Variants in MYCBP2 observed in about 807,000 individuals in gnomAD.
The protein encoded by MYCBP2 is MYC binding protein 2, also known as E3 ubiquitin-protein ligase MYCBP2.
Under a neutral mutation model 525.3 loss-of-function variants are expected in MYCBP2, and 120 were observed. That is an observed-to-expected ratio of 0.23 (90% CI 0.20 to 0.27). MYCBP2 has a LOEUF of 0.27. Ranked by LOEUF, MYCBP2 falls within the 10% of genes least tolerant of loss-of-function variation. The probability of loss-of-function intolerance (pLI) is 1.00; values close to 1 mark genes in which losing one functional copy is unlikely to be tolerated. For synonymous variants in MYCBP2, 1,894 were observed against 1,955.8 expected, an observed-to-expected ratio of 0.97 and a Z score of 0.83; for missense variants, 4,149 against 5,657.1, an observed-to-expected ratio of 0.73 and a Z score of 8.55.
At chr13:77,221,048 T>C (rs1376504880) in intron 20 of MYCBP2, among the ~76,000 whole-genome samples, 1 of 152,166 alleles carries the variant, frequency 6.6e-6, no homozygotes, top group South Asian at 2.1e-4. Flanking sequence ...GTCATATGGT[T>C]GGTAAGAAGT....
At chr13:77,172,946 A>G (rs1018436990) in intron 37 of MYCBP2, among the ~76,000 whole-genome samples, 1 of 152,240 alleles carries the variant, frequency 6.6e-6, no homozygotes, top group African/African-American at 2.4e-5. Context: ...AAACAGGGAT[A>G]AGGAAAGTAC....
intron 68 of MYCBP2, among the ~76,000 whole-genome samples, chr13:77,071,273 A>ACACG (rs2041213683): frequency 2.1e-5 from 2 of 95,224 alleles, no homozygotes; most frequent in African/African-American, 8.3e-5. Flanking sequence ...GTGCACACGC[A>ACACG]CACACACACA....
chr13:77,108,252 T>C (rs899154610), intron 55 of MYCBP2, among the ~76,000 whole-genome samples: 2 of 152,172 alleles, frequency 1.3e-5, no homozygotes, highest in Non-Finnish European at 2.9e-5. Context: ...GAAGAAAACA[T>C]ACTCATAGCA....
At chr13:77,157,788 T>C in intron 45 of MYCBP2, 149 bp downstream of exon 45, 1 of 661,180 alleles carries the variant, frequency 1.5e-6, no homozygotes, top group Non-Finnish European at 2.5e-6. Flanking sequence ...AACAAAAATA[T>C]TAACTATCAT....
chr13:77,134,011 A>G (rs1414867695), intron 52 of MYCBP2, among the ~76,000 whole-genome samples: 3 of 152,212 alleles, frequency 2.0e-5, no homozygotes, highest in Non-Finnish European at 4.4e-5. Context: ...TATTACTAAC[A>G]AGAATGCAAA....
Position 77,097,858 on chromosome 13 carries a change from A to G in MYCBP2, c.9296T>C (p.Met3099Thr), listed in dbSNP as rs1264677111. ...TGGTCCATGGGGTGCAATATTAAACATATTCAGTGCAGATGATATTTCTAA... is the reference window on the plus strand; with the variant it reads ...TGGTCCATGGGGTGCAATATTAAACGTATTCAGTGCAGATGATATTTCTAA... ...HSLEISSALN[M>T]FNIAPHGPDI... Residue 3099 changes from methionine (M) to threonine (T), a missense_variant, in exon 56 of 83, where the codon ATG becomes ACG. By Grantham distance (81) the Met-to-Thr change is moderately conservative (BLOSUM62 -1). Around this residue, in one of 21 missense-constraint regions of MYCBP2, gnomAD observed 653 missense variants for 744.7 expected, o/e 0.88. Transcript: ENST00000544440. The G allele has an allele frequency of 1.9e-6, 3 of 1,613,566 alleles. No individual in the cohort carries two copies. Among genetic ancestry groups the G allele is most frequent in the South Asian group, 2.2e-5 (2 of 91,042 alleles).
intron 1 of MYCBP2, among the ~76,000 whole-genome samples, chr13:77,314,496 T>G (rs1257441000): frequency 6.6e-5 from 10 of 152,118 alleles, no homozygotes. Flanking sequence ...TGCACATTAC[T>G]AAGTGAAGGA....
At position 77,181,819 on chromosome 13, in the gene MYCBP2, A is replaced by T; in HGVS notation, c.4823T>A (p.Ile1608Asn). ...TSVKLTSIFP[I>N]AYDGEVLLRS... ...TAGTAATACTTCTCCATCATACGCA[A>T]TCGGGAAGATGGAAGTCAGCTTAAC... The change falls in exon 33 of 83, where the codon ATT (isoleucine) becomes AAT (asparagine). Residue 1608 changes from isoleucine (I) to asparagine (N), a missense_variant. Physicochemically the swap from Ile to Asn is moderately radical, Grantham distance 149 (BLOSUM62 -3). Transcript: ENST00000544440. 1 of 1,614,082 alleles carries T rather than the reference A, an allele frequency of 6.2e-7. No homozygotes were observed. The highest frequency in any genetic ancestry group is 8.5e-7 in the Non-Finnish European group (1 of 1,179,960).
intron 32 of MYCBP2, among the ~76,000 whole-genome samples, chr13:77,183,065 G>A (rs548355992): frequency 3.9e-5 from 6 of 152,022 alleles, no homozygotes; most frequent in African/African-American, 7.2e-5. Flanking sequence ...AAATTACATC[G>A]ATTTTCAATT....
At position 77,171,445 on chromosome 13, in the gene MYCBP2, T is replaced by G; in HGVS notation, c.5794+47A>C. On this transcript the variant is annotated intron_variant, in intron 38 of 82. Coordinates refer to ENST00000544440, the MANE Select transcript of MYCBP2 (RefSeq NM_015057.5). ...TCAATAATTCTATGCAAAAATTTAG[T>G]GAATAAAGAATCTAAAATATGACTA... The G allele has an allele frequency of 1.9e-6, 3 of 1,569,770 alleles. No individual in the cohort carries two copies. In the South Asian group the frequency reaches 3.5e-5, roughly 18 times the overall value.
chr13:77,305,064 T>C (rs2079239628), intron 1 of MYCBP2, among the ~76,000 whole-genome samples: 1 of 152,100 alleles, frequency 6.6e-6, no homozygotes, highest in South Asian at 2.1e-4. Flanking sequence ...GTTGGTGAAT[T>C]CTTCCAAATA....
At chr13:77,274,462 A>C (rs1159178049) in intron 4 of MYCBP2, among the ~76,000 whole-genome samples, 1 of 152,180 alleles carries the variant, frequency 6.6e-6, no homozygotes, top group East Asian at 1.9e-4. Context: ...AAAAAGAAAA[A>C]CTGAGAAACA....
At chr13:77,063,220 C>G (rs2039615705) in intron 73 of MYCBP2, among the ~76,000 whole-genome samples, 2 of 152,070 alleles carry the variant, frequency 1.3e-5, no homozygotes, top group Non-Finnish European at 2.9e-5. Flanking sequence ...ACTTGGTGCA[C>G]TTTGTCAGAA....
chr13:77,281,706 GATATATAAA>G (rs1322396223), intron 3 of MYCBP2, among the ~76,000 whole-genome samples: 3 of 152,116 alleles, frequency 2.0e-5, no homozygotes, highest in African/African-American at 7.2e-5. Context: ...AAAGAAAAAT[GATATATAAA>G]GAGTCTTTCA....
chr13:77,270,928 CCTCTTT>C (rs2074792803), intron 5 of MYCBP2, among the ~76,000 whole-genome samples: 1 of 151,758 alleles, frequency 6.6e-6, no homozygotes, highest in Non-Finnish European at 1.5e-5. Flanking sequence ...ATAATTTCTT[CCTCTTT>C]ATCTTTCAGT....
At chr13:77,288,671 T>C (rs1423245249) in intron 2 of MYCBP2, among the ~76,000 whole-genome samples, 1 of 152,194 alleles carries the variant, frequency 6.6e-6, no homozygotes, top group African/African-American at 2.4e-5. Context: ...AAAGCTTAAC[T>C]CTTAGAGTTC....
chr13:77,154,761 C>A (rs2057005719), intron 46 of MYCBP2, among the ~76,000 whole-genome samples: 1 of 152,038 alleles, frequency 6.6e-6, no homozygotes, highest in Non-Finnish European at 1.5e-5. Flanking sequence ...GATCAAAAAT[C>A]TGTCCTTGAG....
intron 46 of MYCBP2, among the ~76,000 whole-genome samples, chr13:77,155,395 G>C (rs1566735872): frequency 6.6e-6 from 1 of 152,036 alleles, no homozygotes; most frequent in Non-Finnish European, 1.5e-5. Flanking sequence ...CTTTGAAGGA[G>C]GAAAGGGCTG....
chr13:77,141,592 G>A (rs2054631849), intron 49 of MYCBP2, among the ~76,000 whole-genome samples: 1 of 151,990 alleles, frequency 6.6e-6, no homozygotes, highest in Admixed American at 6.6e-5. Flanking sequence ...CCACCATAGT[G>A]AAACCCCATC....
Sources: allele counts gnomAD v4.1 joint callset (sites outside exome capture counted in the v4.1 genomes callset), GRCh38; gene constraint gnomAD v4.1.1; regional missense constraint gnomAD v4.1.1; transcripts MANE v1.5; gene names NCBI Gene and HGNC (gene_info 2026-07-23, HGNC 2026-07-21).